Variants in SHPK observed in about 807,000 individuals in gnomAD.
SHPK encodes the protein carbohydrate kinase-like protein.
Under a neutral mutation model 46.3 loss-of-function variants are expected in SHPK, and 51 were observed. The ratio of observed to expected loss-of-function variants is 1.10; its 90% CI spans 0.88 to 1.39. The LOEUF is 1.39. Among genes scored for constraint, SHPK ranks in the 40% most tolerant of loss-of-function variants. The pLI is 0.00. For synonymous variants in SHPK, 290 were observed against 273.9 expected, an observed-to-expected ratio of 1.06 and a Z score of -0.58; for missense variants, 668 against 641.3, an observed-to-expected ratio of 1.04 and a Z score of -0.45.
At position 3,610,074 on chromosome 17, in the gene SHPK, G is replaced by A. The variant is rs763265746; in HGVS notation, c.*486C>T. Reference sequence around the variant, plus strand: ...CCTCCGGTCACATGGTTCAGTCCAGGAGACAAGAACTTTTCCAGAAGTCCA... The same window carrying A: ...CCTCCGGTCACATGGTTCAGTCCAGAAGACAAGAACTTTTCCAGAAGTCCA... On this transcript the variant is annotated 3_prime_UTR_variant, in exon 7 of 7. Coordinates refer to ENST00000225519, the MANE Select transcript of SHPK (RefSeq NM_013276.4). 5 of 158,532 alleles carry A rather than the reference G, an allele frequency of 3.2e-5. No individual in the cohort carries two copies. The highest frequency in any genetic ancestry group is 7.0e-5 in the Non-Finnish European group (5 of 71,266). 9.8% of individuals were successfully genotyped at this position (158,532 alleles called of 1,614,324 possible). A position where few individuals can be genotyped will look rare whatever the true frequency, so the allele number is the denominator to read the frequency against.
chr17:3,620,564 C>CCTATCCTGCACTTCTAAT, intron 5 of SHPK, among the ~76,000 whole-genome samples: 1 of 150,654 alleles, frequency 6.6e-6, no homozygotes, highest in Non-Finnish European at 1.5e-5. Context: ...CTGCGCCCGG[C>CCTATCCTGCACTTCTAAT]CGTTTTGTTT....
chr17:3,624,063 C>A lies in SHPK; in HGVS notation c.479G>T (p.Trp160Leu). ...ATGFGCATIFWLLKYRPEFLK... is the reference protein window; with the variant it reads ...ATGFGCATIFLLLKYRPEFLK... ...TTGCCCGTACCGATATTTCAAAAGC[C>A]AGAAGATGGTTGCACAGCCGAAGCC... The change falls in exon 3 of 7, where the codon TGG (tryptophan) becomes TTG (leucine). Residue 160 changes from tryptophan (W) to leucine (L), a missense_variant. Coordinates refer to ENST00000225519, the MANE Select transcript of SHPK (RefSeq NM_013276.4). 6.2e-7 allele frequency: 1 copy of A among 1,605,532 alleles called. No individual in the cohort carries two copies. The highest frequency in any genetic ancestry group is 8.5e-7 in the Non-Finnish European group (1 of 1,173,414).
At chr17:3,631,982 C>T (rs1012208526) in intron 1 of SHPK, among the ~76,000 whole-genome samples, 4 of 151,534 alleles carry the variant, frequency 2.6e-5, no homozygotes, top group Admixed American at 6.6e-5. Context: ...TTTTTTGAGA[C>T]GGAATCTCAC....
At chr17:3,627,267 GT>G (rs1300331712) in intron 2 of SHPK, among the ~76,000 whole-genome samples, 19 of 152,002 alleles carry the variant, frequency 1.2e-4, no homozygotes, top group Admixed American at 1.2e-3. Flanking sequence ...GCTCTTCTGC[GT>G]TTACTGAGCC....
intron 5 of SHPK, among the ~76,000 whole-genome samples, chr17:3,619,035 C>CTTTTT (rs57225767): frequency 6.7e-6 from 1 of 149,058 alleles, no homozygotes; most frequent in African/African-American, 2.5e-5. Context: ...CATGTTCTCA[C>CTTTTT]TTTTTTTTTT....
intron 5 of SHPK, chr17:3,619,605 C>T (rs1008617472): frequency 2.0e-5 from 8 of 404,260 alleles, no homozygotes; most frequent in Admixed American, 1.5e-4. Flanking sequence ...TGGTGGTGTG[C>T]GCCTGTAGTC....
rs888806377 is a variant in SHPK, at chr17:3,630,317, G to C, written c.198C>G (p.Leu66=). 1.9e-6 allele frequency: 3 copies of C among 1,613,026 alleles called. No homozygotes were observed. The highest frequency in any genetic ancestry group is 2.5e-6 in the Non-Finnish European group (3 of 1,179,866). The part of the protein sequence containing the change: ...QGREQDVSRI[L]QALHECLAAL... ...CAGCAAGGCACTCGTGTAGGGCTTG[G>C]AGGATTCTACTCACATCCTGCTCCC... Residue 66 remains leucine (L), a synonymous_variant, in exon 2 of 7, where the codon CTC becomes CTG. Transcript: ENST00000225519.
At chr17:3,623,232 G>T in intron 4 of SHPK, 107 bp downstream of exon 4, 1 of 1,303,570 alleles carries the variant, frequency 7.7e-7, no homozygotes, top group Non-Finnish European at 1.1e-6. Flanking sequence ...TGGCCTCTGG[G>T]AACCCTCCAC....
chr17:3,618,385 G>A (rs1245870777), intron 5 of SHPK, among the ~76,000 whole-genome samples: 1 of 152,056 alleles, frequency 6.6e-6, no homozygotes, highest in Non-Finnish European at 1.5e-5. Flanking sequence ...GATTACAGGT[G>A]TAAGCCACCG....
At chr17:3,629,127 G>T (rs2075455318) in intron 2 of SHPK, among the ~76,000 whole-genome samples, 1 of 152,032 alleles carries the variant, frequency 6.6e-6, no homozygotes, top group South Asian at 2.1e-4. Flanking sequence ...GGACAGACTT[G>T]GATTCAAAAG....
intron 5 of SHPK, among the ~76,000 whole-genome samples, chr17:3,616,309 C>T (rs531765570): frequency 2.0e-5 from 3 of 152,284 alleles, no homozygotes; most frequent in Admixed American, 6.5e-5. Flanking sequence ...ATCTCGGTCA[C>T]GCTGTCTTGT....
chr17:3,630,175 A>G (rs372074267), intron 2 of SHPK, 30 bp downstream of exon 2: 1 of 1,613,648 alleles, frequency 6.2e-7, no homozygotes, highest in Non-Finnish European at 8.5e-7. Flanking sequence ...GACTGCTACC[A>G]GCCTGAGAGC....
Position 3,614,834 on chromosome 17 carries a change from C to T in SHPK, c.1024+503G>A, listed in dbSNP as rs556995346. On this transcript the variant is annotated intron_variant, in intron 6 of 6. Transcript: ENST00000225519. ...CTGCACTCCAGCCTGGGTGACAGAG[C>T]GAGACTCCGTCTCAAAAAAAAAAAA... 4.5e-4 allele frequency among the ~76,000 whole-genome samples: 65 copies of T among 143,350 alleles called. 1 individual carries two copies. The East Asian group carries it at 7.5e-3, about 17-fold the overall frequency. 94.0% of individuals were successfully genotyped at this position (143,350 alleles called of 152,430 possible).
chr17:3,623,109 G>A lies in SHPK; in HGVS notation c.647+230C>T, dbSNP rs1288230714. 2.0e-5 allele frequency among the ~76,000 whole-genome samples: 3 copies of A among 152,356 alleles called. No homozygotes were observed. The East Asian group carries it at 5.8e-4, about 29-fold the overall frequency. On this transcript the variant is annotated intron_variant, in intron 4 of 6. Coordinates refer to ENST00000225519, the MANE Select transcript of SHPK (RefSeq NM_013276.4). ...CCCACCTGGGGTCTGGGCGGCTGTG[G>A]AGGAGCAGGACAGCATGGCTGAGGC... is the stretch of plus-strand genomic sequence containing the variant.
rs2075331027 is a variant in SHPK at position 3,610,566 on chromosome 17, T to C, written c.1431A>G (p.Glu477=). ...TGGCGAAAGAGTTTGCTGTCTAAGATTCCTTCTGGTTGAGGTGTCTCCGGA... is the reference window on the plus strand; with the variant it reads ...TGGCGAAAGAGTTTGCTGTCTAAGACTCCTTCTGGTTGAGGTGTCTCCGGA... ...VMLRRHLNQK[E]S is the part of the protein sequence containing the mutation. Residue 477 remains glutamate (E), a synonymous_variant, in exon 7 of 7, where the codon GAA becomes GAG. Coordinates refer to ENST00000225519, the MANE Select transcript of SHPK (RefSeq NM_013276.4). The C allele has an allele frequency of 6.3e-7, 1 of 1,596,628 alleles. No individual in the cohort carries two copies. The highest frequency in any genetic ancestry group is 8.6e-7 in the Non-Finnish European group (1 of 1,166,722).
At position 3,615,320 on chromosome 17, in the gene SHPK, T is replaced by C; in HGVS notation, c.1024+17A>G. ...AGGACAGGCAGAGAACACAGCGCTG[T>C]GTGGGCCACACCTTACCTAGATCTG... On this transcript the variant is annotated intron_variant, in intron 6 of 6. Coordinates refer to ENST00000225519, the MANE Select transcript of SHPK (RefSeq NM_013276.4). 6.2e-7 allele frequency: 1 copy of C among 1,613,106 alleles called. No individual in the cohort carries two copies.
At chr17:3,623,694 GGGGAA>G (rs1394836415) in intron 3 of SHPK, among the ~76,000 whole-genome samples, 3 of 152,200 alleles carry the variant, frequency 2.0e-5, no homozygotes, top group African/African-American at 7.2e-5. Flanking sequence ...GTCAGCCCCA[GGGGAA>G]GGGCCTGAGA....
intron 4 of SHPK, chr17:3,622,732 T>C (rs950942048): frequency 1.6e-5 from 4 of 249,370 alleles, no homozygotes; most frequent in Admixed American, 7.8e-5. Context: ...GAGACAAGAG[T>C]CTCGCTCTGT....
At chr17:3,612,894 G>T (rs894156216) in intron 6 of SHPK, among the ~76,000 whole-genome samples, 2 of 151,774 alleles carry the variant, frequency 1.3e-5, no homozygotes, top group African/African-American at 4.8e-5. Context: ...TGGGACTACA[G>T]GTGCATGCCA....
Sources: gnomAD v4.1 joint callset for allele counts (sites outside exome capture counted in the v4.1 genomes callset) on GRCh38, gnomAD v4.1.1 for gene constraint, MANE v1.5 for transcripts, NCBI Gene and HGNC (gene_info 2026-07-23, HGNC 2026-07-21) for gene names.